Variants in EIF4EBP1 observed in about 807,000 individuals in gnomAD.
EIF4EBP1 encodes eukaryotic translation initiation factor 4E-binding protein 1.
Under a neutral mutation model 9.2 loss-of-function variants are expected in EIF4EBP1, and 5 were observed. The ratio of observed to expected loss-of-function variants is 0.54; its 90% confidence interval spans 0.28 to 1.14. EIF4EBP1 has a LOEUF of 1.14. Among genes scored for constraint, EIF4EBP1 ranks in the 50% most tolerant of loss-of-function variants. The pLI is 0.09. For missense variants in EIF4EBP1, 139 were observed against 169.6 expected (o/e 0.82, Z 1.00); for synonymous variants, 62 against 67.0 (o/e 0.93, Z 0.36).
At chr8:38,059,766 A>C (rs1809645673) in intron 2 of EIF4EBP1, 138 bp from the exon 3 acceptor site, 2 of 879,244 alleles carry the variant, frequency 2.3e-6, no homozygotes, top group East Asian at 2.7e-5. Flanking sequence ...AAAAAAAAAA[A>C]ACAAAAAAAC....
chr8:38,033,743 C>CTTTTTTT (rs34809551), intron 1 of EIF4EBP1, among the ~76,000 whole-genome samples: 4 of 104,278 alleles, frequency 3.8e-5, no homozygotes, highest in African/African-American at 3.8e-5. Flanking sequence ...GTTTGCTTTC[C>CTTTTTTT]TTTTTTTTTT....
chr8:38,041,339 G>A lies in EIF4EBP1; in HGVS notation c.145+10621G>A, dbSNP rs545101095. 4.6e-5 allele frequency among the ~76,000 whole-genome samples: 7 copies of A among 152,272 alleles called. No homozygotes were observed. The South Asian group carries it at 1.4e-3, about 32-fold the overall frequency. On this transcript the variant is annotated intron_variant, in intron 1 of 2. Transcript: ENST00000338825. ...GCTGGTCTCGAACTTCTAACCTCAG[G>A]CGATCTGCCTGCCTTGGCCTCCCAA...
chr8:38,035,358 C>T (rs1809284939), intron 1 of EIF4EBP1, among the ~76,000 whole-genome samples: 1 of 151,872 alleles, frequency 6.6e-6, no homozygotes, highest in East Asian at 1.9e-4. Context: ...GCTGGGATTA[C>T]AGGCATGTGC....
intron 2 of EIF4EBP1, among the ~76,000 whole-genome samples, chr8:38,059,480 G>A (rs569537408): frequency 6.6e-6 from 1 of 152,010 alleles, no homozygotes; most frequent in Non-Finnish European, 1.5e-5. Context: ...GGCTGGGCAC[G>A]GTGGCTCGCA....
At chr8:38,044,266 G>A (rs541068002) in intron 1 of EIF4EBP1, among the ~76,000 whole-genome samples, 8 of 152,220 alleles carry the variant, frequency 5.3e-5, no homozygotes, top group South Asian at 4.2e-4. Flanking sequence ...GGCCATGCGC[G>A]GCTCAGTTTA....
intron 2 of EIF4EBP1, among the ~76,000 whole-genome samples, 162 bp from the exon 3 acceptor site, chr8:38,059,740 AGT>A (rs1457234573): frequency 6.6e-6 from 1 of 150,848 alleles, no homozygotes; most frequent in Non-Finnish European, 1.5e-5. Context: ...TCGGAGACAG[AGT>A]GAGACTCCAT....
chr8:38,031,729 C>T (rs1031739266), intron 1 of EIF4EBP1, among the ~76,000 whole-genome samples: 3 of 152,188 alleles, frequency 2.0e-5, no homozygotes, highest in Non-Finnish European at 2.9e-5. Flanking sequence ...CGGCCAGATC[C>T]GAGGTCCTCT....
chr8:38,041,188 G>A (rs756876250), intron 1 of EIF4EBP1, among the ~76,000 whole-genome samples: 3 of 152,044 alleles, frequency 2.0e-5, no homozygotes, highest in South Asian at 2.1e-4. Context: ...TGCAACCTCC[G>A]CCTCCCAGGT....
intron 1 of EIF4EBP1, among the ~76,000 whole-genome samples, chr8:38,046,500 C>T (rs2130390097): frequency 6.6e-6 from 1 of 152,268 alleles, no homozygotes; most frequent in South Asian, 2.1e-4. Flanking sequence ...GAGTTGCTTA[C>T]CTGTCCTCTG....
chr8:38,030,648 C>T lies in EIF4EBP1; in HGVS notation c.75C>T (p.Asp25=). 1 of 1,507,642 alleles carries T rather than the reference C, an allele frequency of 6.6e-7. No homozygotes were observed. The highest frequency in any genetic ancestry group is 8.8e-7 in the Non-Finnish European group (1 of 1,135,004). 93.4% of individuals were successfully genotyped at this position (1,507,642 alleles called of 1,614,324 possible). ...CCACTCGCCGGGTGGTGCTCGGCGACGGCGTGCAGCTCCCGCCCGGGGACT... is the reference window on the plus strand; with the variant it reads ...CCACTCGCCGGGTGGTGCTCGGCGATGGCGTGCAGCTCCCGCCCGGGGACT... ...IPATRRVVLG[D]GVQLPPGDYS... is the part of the protein sequence containing the mutation. Residue 25 remains aspartate, a synonymous_variant, in exon 1 of 3, where the codon GAC becomes GAT. Transcript: ENST00000338825.
At chr8:38,050,098 G>C (rs544857500) in intron 1 of EIF4EBP1, among the ~76,000 whole-genome samples, 1 of 151,996 alleles carries the variant, frequency 6.6e-6, no homozygotes, top group Non-Finnish European at 1.5e-5. Context: ...TTTTAGTAGA[G>C]ACGGGGTTTC....
chr8:38,042,802 G>A (rs1382793158), intron 1 of EIF4EBP1, among the ~76,000 whole-genome samples: 1 of 152,200 alleles, frequency 6.6e-6, no homozygotes, highest in Non-Finnish European at 1.5e-5. Flanking sequence ...GGTGGCTCAT[G>A]CCTGTAATCC....
intron 1 of EIF4EBP1, among the ~76,000 whole-genome samples, chr8:38,038,163 G>T (rs372764480): frequency 7.2e-5 from 11 of 152,102 alleles, no homozygotes; most frequent in African/African-American, 1.4e-4. Context: ...CTTTACGATG[G>T]TATGAAAGTG....
At chr8:38,059,416 G>C (rs894471509) in intron 2 of EIF4EBP1, among the ~76,000 whole-genome samples, 1 of 152,050 alleles carries the variant, frequency 6.6e-6, no homozygotes, top group Non-Finnish European at 1.5e-5. Flanking sequence ...AGCTGAGGCC[G>C]GCGTCATGCT....
intron 1 of EIF4EBP1, among the ~76,000 whole-genome samples, chr8:38,052,387 C>T (rs760861844): frequency 2.1e-5 from 3 of 145,182 alleles, no homozygotes; most frequent in East Asian, 3.9e-4. Context: ...CAGCCTCCCG[C>T]GTAGCTAGGA....
chr8:38,046,385 G>A (rs1241037500), intron 1 of EIF4EBP1, among the ~76,000 whole-genome samples: 1 of 152,100 alleles, frequency 6.6e-6, no homozygotes, highest in Non-Finnish European at 1.5e-5. Flanking sequence ...AATCCTGAAG[G>A]ATACTGGCTA....
chr8:38,038,383 C>G (rs540611871), intron 1 of EIF4EBP1, among the ~76,000 whole-genome samples: 32 of 150,814 alleles, frequency 2.1e-4, no homozygotes, highest in Non-Finnish European at 3.5e-4. Flanking sequence ...TGGCACACAC[C>G]TGTACTCCCA....
chr8:38,040,741 A>G (rs181345967), intron 1 of EIF4EBP1, among the ~76,000 whole-genome samples: 3 of 152,270 alleles, frequency 2.0e-5, no homozygotes, highest in Admixed American at 6.5e-5. Flanking sequence ...TTTTATTTAC[A>G]TGGTAGTTTC....
intron 1 of EIF4EBP1, among the ~76,000 whole-genome samples, chr8:38,037,385 C>A (rs1206979014): frequency 6.6e-6 from 1 of 151,998 alleles, no homozygotes; most frequent in Non-Finnish European, 1.5e-5. Context: ...GGCATGATCT[C>A]AGCTCACTGC....
Sources: allele counts gnomAD v4.1 joint callset (sites outside exome capture counted in the v4.1 genomes callset), GRCh38; gene constraint gnomAD v4.1.1; transcripts MANE v1.5; gene names NCBI Gene and HGNC (gene_info 2026-07-23, HGNC 2026-07-21).